VWF: variants seen among roughly 807,000 people sequenced by gnomAD.
VWF encodes von Willebrand factor, also known as Factor VIII related antigen.
VWF carries 176 observed loss-of-function variants against 308.6 expected under a neutral mutation model. The ratio of observed to expected loss-of-function variants is 0.57; its 90% CI spans 0.50 to 0.65. VWF has a LOEUF of 0.65. VWF is among the 30% of genes least tolerant of loss of function. The pLI is 0.00. For synonymous variants in VWF, 1,385 were observed against 1,443.4 expected (o/e 0.96, Z 0.92); for missense variants, 3,146 against 3,648.2 (o/e 0.86, Z 3.55).
intron 42 of VWF, among the ~76,000 whole-genome samples, chr12:5,980,328 G>C (rs1943591771): frequency 6.6e-6 from 1 of 150,478 alleles, no homozygotes; most frequent in Admixed American, 6.6e-5. Context: ...CCCTTGATCA[G>C]GTATTCTTGC....
chr12:5,953,722 C>T (rs1358896683), intron 47 of VWF, 128 bp from the exon 48 acceptor site: 2 of 758,162 alleles, frequency 2.6e-6, no homozygotes, highest in Non-Finnish European at 4.7e-6. Context: ...GGAAAGTCAA[C>T]ATCCAACTCC....
Position 5,992,031 on chromosome 12 carries a change from A to G in VWF, c.6599-13T>C, listed in dbSNP as rs1333801387. On this transcript the variant is annotated splice_polypyrimidine_tract_variant and intron_variant, in intron 37 of 51. Coordinates refer to ENST00000261405, the MANE Select transcript of VWF (RefSeq NM_000552.5). ...GGGCATGACATAGCTGTAGACAGAGAAGGAGGTCACTTGCAAAGGCCCACA... is the reference window on the plus strand; with the variant it reads ...GGGCATGACATAGCTGTAGACAGAGGAGGAGGTCACTTGCAAAGGCCCACA... The G allele has an allele frequency of 6.8e-6, 11 of 1,613,564 alleles. No individual in the cohort carries two copies. Among genetic ancestry groups the G allele is most frequent in the Admixed American group, 1.7e-5 (1 of 59,938 alleles).
chr12:6,092,884 C>T (rs1945065717), intron 6 of VWF, among the ~76,000 whole-genome samples: 2 of 151,770 alleles, frequency 1.3e-5, no homozygotes, highest in Admixed American at 1.3e-4. Flanking sequence ...TATGCAAATG[C>T]CTCCTCCCAT....
chr12:6,110,032 G>A (rs1945288843), intron 5 of VWF, among the ~76,000 whole-genome samples: 1 of 152,138 alleles, frequency 6.6e-6, no homozygotes, highest in East Asian at 1.9e-4. Context: ...CTTTTTGGAT[G>A]GTGTGGAGGA....
chr12:6,097,199 G>A (rs964168633), intron 5 of VWF, among the ~76,000 whole-genome samples: 3 of 152,148 alleles, frequency 2.0e-5, no homozygotes, highest in African/African-American at 7.2e-5. Context: ...CACTTTGGGA[G>A]GCCAAGGAGG....
chr12:6,058,112 G>T lies in VWF; in HGVS notation c.1534-68C>A. The T allele has an allele frequency of 6.5e-7, 1 of 1,546,706 alleles. No individual in the cohort carries two copies. The highest frequency in any genetic ancestry group is 8.8e-7 in the Non-Finnish European group (1 of 1,140,634). On this transcript the variant is annotated intron_variant, in intron 13 of 51. Transcript: ENST00000261405. The surrounding 1 kb of genome is among the most constrained non-coding windows in gnomAD (Gnocchi z 4.9). ...GCAGCGGCATAGTTGTTTAGCTAAT[G>T]AGATGGTTTTAATAAAAAAAAAAAA...
intron 41 of VWF, among the ~76,000 whole-genome samples, chr12:5,982,580 C>T (rs903982474): frequency 2.0e-5 from 3 of 152,204 alleles, no homozygotes; most frequent in African/African-American, 4.8e-5. Context: ...ACCTTGAAGT[C>T]TCACATCTAG....
At chr12:6,055,533 C>G (rs1355904019) in intron 15 of VWF, among the ~76,000 whole-genome samples, 3 of 152,086 alleles carry the variant, frequency 2.0e-5, no homozygotes, top group African/African-American at 7.2e-5. Flanking sequence ...GAGGGCACAA[C>G]GGCTGCATTA....
intron 21 of VWF, among the ~76,000 whole-genome samples, chr12:6,030,049 G>A (rs542423513): frequency 1.2e-4 from 19 of 152,296 alleles, no homozygotes; most frequent in African/African-American, 4.3e-4. Context: ...GCTCTGACCT[G>A]AGCCTCTGAC....
intron 34 of VWF, among the ~76,000 whole-genome samples, chr12:5,998,567 GAGAATAAAATAAACT>G (rs1241254725): frequency 1.5e-5 from 2 of 130,712 alleles, no homozygotes; most frequent in Non-Finnish European, 3.1e-5. Flanking sequence ...CAACGGTCAT[GAGAATAAAATAAACT>G]ACAAGGCAAA....
intron 22 of VWF, among the ~76,000 whole-genome samples, chr12:6,028,239 A>C (rs1944217392): frequency 6.6e-6 from 1 of 152,230 alleles, no homozygotes; most frequent in South Asian, 2.1e-4. Flanking sequence ...GGTTATTAGC[A>C]ATTTTACAAA....
In VWF at chr12:6,046,875, C is replaced by G. The variant is rs1011690796; in HGVS notation, c.2187-58G>C. The G allele has an allele frequency of 1.5e-5, 23 of 1,488,676 alleles. No homozygotes were observed. The highest frequency in any genetic ancestry group is 2.0e-5 in the Non-Finnish European group (22 of 1,077,414). 92.2% of individuals were successfully genotyped at this position (1,488,676 alleles called of 1,614,324 possible). A position where few individuals can be genotyped will look rare whatever the true frequency, so the allele number is the denominator to read the frequency against. Reference sequence around the variant, plus strand: ...GAGACTCGTCTATACTCGCTGCCTCCACATCTTCACCTCCCACTCACTCTC... The same window carrying G: ...GAGACTCGTCTATACTCGCTGCCTCGACATCTTCACCTCCCACTCACTCTC... On this transcript the variant is annotated intron_variant, in intron 16 of 51. Coordinates refer to ENST00000261405, the MANE Select transcript of VWF (RefSeq NM_000552.5). The surrounding 1 kb of genome is among the most constrained non-coding windows in gnomAD (Gnocchi z 5.0).
chr12:5,949,646 TAA>T, intron 51 of VWF, 138 bp downstream of exon 51: 2 of 902,294 alleles, frequency 2.2e-6, no homozygotes, highest in Non-Finnish European at 3.4e-6. Context: ...AACATTTGCT[TAA>T]AAAAAAATGC....
rs367571869 is a variant in VWF at position 6,075,514 on chromosome 12, G to A, written c.695C>T (p.Ser232Leu). 1.1e-5 allele frequency: 18 copies of A among 1,614,062 alleles called. No homozygotes were observed. The highest frequency in any genetic ancestry group is 1.6e-4 in the Middle Eastern group (1 of 6,084). Residue 232 changes from serine to leucine, a missense_variant, in exon 7 of 52, where the codon TCG (serine) becomes TTG (leucine). Ser to Leu is a moderately radical substitution (Grantham distance 145). This residue lies in a region of VWF where 1,304 missense variants were observed against 1,353.0 expected (regional missense o/e 0.96). Coordinates refer to ENST00000261405, the MANE Select transcript of VWF (RefSeq NM_000552.5). The surrounding 1 kb of genome is among the most constrained non-coding windows in gnomAD (Gnocchi z 4.7). ...WEQCQLLKST[S>L]VFARCHPLVD... Reference sequence around the variant, plus strand: ...CAGAGGGTGGCAGCGGGCAAACACCGAGGTGCTCTTCAGAAGCTGGCACTG... The same window carrying A: ...CAGAGGGTGGCAGCGGGCAAACACCAAGGTGCTCTTCAGAAGCTGGCACTG...
intron 47 of VWF, among the ~76,000 whole-genome samples, chr12:5,955,122 T>C (rs1347152506): frequency 1.3e-5 from 2 of 152,128 alleles, no homozygotes; most frequent in African/African-American, 4.8e-5. Context: ...AAAAATTTCA[T>C]GCAAAGAAAT....
chr12:6,119,632 G>T (rs1279225820), intron 3 of VWF, among the ~76,000 whole-genome samples: 1 of 152,148 alleles, frequency 6.6e-6, no homozygotes, highest in African/African-American at 2.4e-5. Context: ...GATCACCTGA[G>T]GTCAGGAGTT....
intron 32 of VWF, 25 bp downstream of exon 32, chr12:6,013,456 G>A: frequency 6.2e-7 from 1 of 1,613,902 alleles, no homozygotes; most frequent in Non-Finnish European, 8.5e-7. Context: ...TTTGAGGGAA[G>A]TAAGAAAGGT....
At position 6,056,993 on chromosome 12, in the gene VWF, G is replaced by A. The variant is rs1488240396; in HGVS notation, c.1809C>T (p.Pro603=). The A allele has an allele frequency of 3.2e-6, 5 of 1,546,438 alleles. No individual in the cohort carries two copies. Among genetic ancestry groups the A allele is most frequent in the Non-Finnish European group, 2.6e-6 (3 of 1,150,902 alleles). The change falls in exon 15 of 52, where the codon CCC becomes CCT. Residue 603 remains proline, a synonymous_variant. Transcript: ENST00000261405. The part of the protein sequence containing the change: ...EACHRAVSPL[P]YLRNCRYDVC... ...CGTCGTAGCGGCAGTTCCGCAGGTA[G>A]GGCAGCGGGCTGACGGCACGATGGC... is the stretch of plus-strand genomic sequence containing the variant.
chr12:6,017,540 G>C (rs940497105), intron 28 of VWF, among the ~76,000 whole-genome samples: 4 of 152,330 alleles, frequency 2.6e-5, no homozygotes, highest in African/African-American at 4.8e-5. Context: ...CAAACACACC[G>C]AATAAAGATG....
Sources: allele counts gnomAD v4.1 joint callset (sites outside exome capture counted in the v4.1 genomes callset), GRCh38; gene constraint gnomAD v4.1.1; regional missense constraint gnomAD v4.1.1; non-coding constraint Gnocchi (gnomAD v3.1); transcripts MANE v1.5; gene names NCBI Gene and HGNC (gene_info 2026-07-23, HGNC 2026-07-21).